The following SLC30A3 variants were observed in gnomAD, a reference collection of about 807,000 sequenced individuals.
The protein encoded by SLC30A3 is probable proton-coupled zinc antiporter SLC30A3.
SLC30A3 carries 20 observed loss-of-function variants against 35.6 expected under a neutral mutation model. The observed-to-expected ratio is 0.56, with a 90% CI of 0.39 to 0.82. SLC30A3 has a LOEUF of 0.82. SLC30A3 is among the 40% of genes least tolerant of loss of function. The pLI is 0.00. For synonymous variants in SLC30A3, 217 were observed against 224.7 expected (o/e 0.97, Z 0.31); for missense variants, 401 against 530.6 (o/e 0.76, Z 2.40).
In SLC30A3 at chr2:27,271,057, G is replaced by A. The variant is rs1677709100; in HGVS notation, c.-159+4120C>T. ...TAGATAACCTTAAGCAGGTCAATCC[G>A]CCTTTCTGGGCTGCACTTTCTTCAA... is the stretch of plus-strand genomic sequence containing the variant. On this transcript the variant is annotated intron_variant, in intron 1 of 5. Coordinates refer to the SLC30A3 transcript ENST00000424577. This position sits in a 1 kb window ranked among gnomAD's most constrained non-coding sequence, Gnocchi z 4.3. Among the ~76,000 whole-genome samples the A allele has an allele frequency of 6.6e-6, 1 of 152,088 alleles. No individual in the cohort carries two copies. The highest frequency in any genetic ancestry group is 6.6e-5 in the Admixed American group (1 of 15,264).
Position 27,257,054 on chromosome 2 carries a change from G to A in SLC30A3, c.777+100C>T, listed in dbSNP as rs1676898766. On this transcript the variant is annotated intron_variant, in intron 5 of 7. Coordinates refer to ENST00000233535, the MANE Select transcript of SLC30A3 (RefSeq NM_003459.5). This position sits in a 1 kb window ranked among gnomAD's most constrained non-coding sequence, Gnocchi z 4.7. ...GAGAGTCCTGGGAGGTGGGAGGGAGGAGCTGGAGGGAGGAGGAAGGAAGCT... is the reference window on the plus strand; with the variant it reads ...GAGAGTCCTGGGAGGTGGGAGGGAGAAGCTGGAGGGAGGAGGAAGGAAGCT... 3 of 1,260,452 alleles carry A rather than the reference G, an allele frequency of 2.4e-6. No homozygotes were observed. The highest frequency in any genetic ancestry group is 3.5e-6 in the Non-Finnish European group (3 of 863,200). The allele number at this position is 1,260,452 out of a possible 1,614,324, so 78.1% of individuals were successfully genotyped here.
chr2:27,262,771 G>C lies in SLC30A3; in HGVS notation c.95+41C>G. On this transcript the variant is annotated intron_variant, in intron 1 of 7. Coordinates refer to ENST00000233535, the MANE Select transcript of SLC30A3 (RefSeq NM_003459.5). This position sits in a 1 kb window ranked among gnomAD's most constrained non-coding sequence, Gnocchi z 7.5. ...AACGAAATGGACGGAGGGTAGTAGG[G>C]TGGCGCCCCCGGGCCGAGGGCCAGC... is the stretch of plus-strand genomic sequence containing the variant. 6.8e-7 allele frequency: 1 copy of C among 1,480,824 alleles called. No homozygotes were observed. Among genetic ancestry groups the C allele is most frequent in the South Asian group, 1.3e-5 (1 of 75,300 alleles). The allele number at this position is 1,480,824 out of a possible 1,614,324, so 91.7% of individuals were successfully genotyped here.
chr2:27,264,251 A>G (rs1211815478), upstream of SLC30A3: 1 of 393,384 alleles, frequency 2.5e-6, no homozygotes, highest in Admixed American at 2.7e-5. The surrounding 1 kb of genome is among the most constrained non-coding windows in gnomAD (Gnocchi z 6.1). Flanking sequence ...CATCCTTCAG[A>G]ACACACTGGG....
chr2:27,263,401 G>T, upstream of SLC30A3: 1 of 449,396 alleles, frequency 2.2e-6, no homozygotes. Context: ...CGCCCACCAC[G>T]CCGTCACCCT....
rs78882128 is a variant in SLC30A3, at chr2:27,255,409, T to C, written c.1070A>G (p.Tyr357Cys). Residue 357 changes from tyrosine (Y) to cysteine (C), a missense_variant, in exon 8 of 8, where the codon TAC becomes TGC. Transcript: ENST00000233535. This position sits in a 1 kb window ranked among gnomAD's most constrained non-coding sequence, Gnocchi z 5.2. ...AVLAEASSRL[Y>C]SRFGFSSCTL... ...GCAGCTGGAGAATCCAAACCGGGAGTAGAGCCGGGATGAGGCTTCAGCCAG... is the reference window on the plus strand; with the variant it reads ...GCAGCTGGAGAATCCAAACCGGGAGCAGAGCCGGGATGAGGCTTCAGCCAG... The C allele has an allele frequency of 5.4e-4, 869 of 1,613,392 alleles. 1 individual carries two copies. Among genetic ancestry groups the C allele is most frequent in the East Asian group, 2.4e-3 (106 of 44,840 alleles).
Position 27,255,494 on chromosome 2 carries a change from C to CGGG in SLC30A3, c.1019-37_1019-35dup, listed in dbSNP as rs756044876. The CGGG allele has an allele frequency of 6.2e-7, 1 of 1,605,794 alleles. No homozygotes were observed. Among genetic ancestry groups the CGGG allele is most frequent in the Non-Finnish European group, 8.5e-7 (1 of 1,176,960 alleles). On this transcript the variant is annotated intron_variant, in intron 7 of 7. Transcript: ENST00000233535. This position sits in a 1 kb window ranked among gnomAD's most constrained non-coding sequence, Gnocchi z 5.2. ...GAGTGATAAGAGGCGGCATCCATCC[C>CGGG]GGGGGAGAAAGAACAGGCAGGGACT...
rs1022782316 is a variant in SLC30A3, at chr2:27,263,029, G to T, written c.-123C>A. On this transcript the variant is annotated 5_prime_UTR_variant, in exon 1 of 8. Transcript: ENST00000233535. ...CGCAGGGCGGCGGGGCCACCAGAGT[G>T]GAGCGAACTGCAGCGACTGTGGCGC... The T allele has an allele frequency of 3.6e-6, 5 of 1,389,794 alleles. No homozygotes were observed. The highest frequency in any genetic ancestry group is 4.6e-6 in the Non-Finnish European group (5 of 1,078,740). The allele number at this position is 1,389,794 out of a possible 1,614,324, so 86.1% of individuals were successfully genotyped here.
Position 27,262,854 on chromosome 2 carries a change from G to T in SLC30A3, c.53C>A (p.Pro18His). ...GGLETTRLVS[P>H]RDRGGAGGSL... is the part of the protein sequence containing the mutation. The stretch of plus-strand genomic sequence containing the variant: ...GCCTCCGGCGCCACCGCGGTCCCGG[G>T]GGCTCACCAGGCGAGTGGTCTCCAA... The change falls in exon 1 of 8, where the codon CCC becomes CAC. Residue 18 changes from proline to histidine, a missense_variant. Pro to His is a moderately conservative substitution (Grantham distance 77). Around this residue, in one of 3 missense-constraint regions of SLC30A3, gnomAD observed 103 missense variants for 120.7 expected, o/e 0.85. Coordinates refer to ENST00000233535, the MANE Select transcript of SLC30A3 (RefSeq NM_003459.5). The surrounding 1 kb of genome is among the most constrained non-coding windows in gnomAD (Gnocchi z 7.5). The T allele has an allele frequency of 6.4e-7, 1 of 1,565,410 alleles. No homozygotes were observed. The highest frequency in any genetic ancestry group is 1.2e-5 in the South Asian group (1 of 86,016).
rs1676929550 is a variant in SLC30A3, at chr2:27,257,418, T to C, written c.579-66A>G. On this transcript the variant is annotated intron_variant, in intron 4 of 7. Coordinates refer to ENST00000233535, the MANE Select transcript of SLC30A3 (RefSeq NM_003459.5). This position sits in a 1 kb window ranked among gnomAD's most constrained non-coding sequence, Gnocchi z 4.7. ...CTGGCCTCCTATACCCCCATCTCCA[T>C]GTCTCACCTCCCCAGTAGCCCTTTC... 2.8e-6 allele frequency: 4 copies of C among 1,448,026 alleles called. No homozygotes were observed. Among genetic ancestry groups the C allele is most frequent in the Middle Eastern group, 1.7e-4 (1 of 5,786 alleles). The allele number at this position is 1,448,026 out of a possible 1,614,324, so 89.7% of individuals were successfully genotyped here.
At chr2:27,273,310 G>A (rs1259425751) in intron 1 of SLC30A3, among the ~76,000 whole-genome samples, 1 of 152,140 alleles carries the variant, frequency 6.6e-6, no homozygotes. Context: ...CAGGAAAGAG[G>A]AAAGCGGTGG....
At chr2:27,273,681 C>A (rs1190829871) in intron 1 of SLC30A3, among the ~76,000 whole-genome samples, 1 of 152,186 alleles carries the variant, frequency 6.6e-6, no homozygotes, top group Non-Finnish European at 1.5e-5. Context: ...GCACTGACCA[C>A]AGGCCTACAG....
At chr2:27,259,753 C>G (rs1677080364) in intron 1 of SLC30A3, among the ~76,000 whole-genome samples, 2 of 152,100 alleles carry the variant, frequency 1.3e-5, no homozygotes, top group African/African-American at 4.8e-5. Context: ...GAGACTAGAC[C>G]CCAACCAATT....
At chr2:27,263,452 C>T (rs1162111273), upstream of SLC30A3, 1 of 400,268 alleles carries the variant, frequency 2.5e-6, no homozygotes, top group Non-Finnish European at 5.2e-6. Context: ...CAGGAGCGGA[C>T]CCATTACCTA....
At chr2:27,264,441 T>G (rs1677390670), upstream of SLC30A3, among the ~76,000 whole-genome samples, 1 of 152,220 alleles carries the variant, frequency 6.6e-6, no homozygotes, top group Non-Finnish European at 1.5e-5. This position sits in a 1 kb window ranked among gnomAD's most constrained non-coding sequence, Gnocchi z 6.1. Context: ...GAGGTGAGGC[T>G]TAAACGGATT....
chr2:27,264,603 C>T (rs1167560285), upstream of SLC30A3, among the ~76,000 whole-genome samples: 1 of 152,190 alleles, frequency 6.6e-6, no homozygotes, highest in Non-Finnish European at 1.5e-5. This position sits in a 1 kb window ranked among gnomAD's most constrained non-coding sequence, Gnocchi z 6.1. Flanking sequence ...GCGCCCTCCG[C>T]GCCGTCCCCA....
chr2:27,271,629 C>T lies in SLC30A3; in HGVS notation c.-159+3548G>A, dbSNP rs968693853. On this transcript the variant is annotated intron_variant, in intron 1 of 5. Transcript: ENST00000424577. This position sits in a 1 kb window ranked among gnomAD's most constrained non-coding sequence, Gnocchi z 4.3. Reference sequence around the variant, plus strand: ...GAGCCAGAGCTAAGATCTAGGGCTTCTGACCCCTGGCTTGTGTGTTCTTCC... The same window carrying T: ...GAGCCAGAGCTAAGATCTAGGGCTTTTGACCCCTGGCTTGTGTGTTCTTCC... Among the ~76,000 whole-genome samples, 1 of 152,250 alleles carries T rather than the reference C, an allele frequency of 6.6e-6. No homozygotes were observed. Among genetic ancestry groups the T allele is most frequent in the African/African-American group, 2.4e-5 (1 of 41,462 alleles).
rs1558557713 is a variant in SLC30A3, at chr2:27,257,230, G to A, written c.701C>T (p.Ala234Val). Residue 234 changes from alanine (A) to valine (V), a missense_variant, in exon 5 of 8, where the codon GCG becomes GTG. Around this residue, in one of 3 missense-constraint regions of SLC30A3, gnomAD observed 296 missense variants for 392.6 expected, o/e 0.75. Coordinates refer to ENST00000233535, the MANE Select transcript of SLC30A3 (RefSeq NM_003459.5). The surrounding 1 kb of genome is among the most constrained non-coding windows in gnomAD (Gnocchi z 4.7). ...PLPLGNTSVRAAFVHVLGDLL... is the reference protein window; with the variant it reads ...PLPLGNTSVRVAFVHVLGDLL... ...GTCCCCCAGCACGTGCACAAATGCCGCCCGGACGCTGGTGTTCCCCAGGGG... is the reference window on the plus strand; with the variant it reads ...GTCCCCCAGCACGTGCACAAATGCCACCCGGACGCTGGTGTTCCCCAGGGG... 1.9e-6 allele frequency: 3 copies of A among 1,613,920 alleles called. No homozygotes were observed. Among genetic ancestry groups the A allele is most frequent in the Non-Finnish European group, 2.5e-6 (3 of 1,179,996 alleles).
upstream of SLC30A3, among the ~76,000 whole-genome samples, chr2:27,266,562 TTCTC>T (rs200727119): frequency 1.3e-5 from 2 of 152,178 alleles, no homozygotes; most frequent in African/African-American, 2.4e-5. Flanking sequence ...CACTGTACCA[TTCTC>T]TCTATTTTTG....
rs999498320 is a variant in SLC30A3, at chr2:27,273,995, C to G, written c.-159+1182G>C. Among the ~76,000 whole-genome samples, 6 of 152,160 alleles carry G rather than the reference C, an allele frequency of 3.9e-5. No homozygotes were observed. In the South Asian group the frequency reaches 1.2e-3, roughly 32 times the overall value. ...AAGGAGCTGGCGCAATGGGGGTTGG[C>G]GCAATGGCTTCAAGGAGGCTGGCAC... On this transcript the variant is annotated intron_variant, in intron 1 of 5. Coordinates refer to the SLC30A3 transcript ENST00000424577.
Sources: gnomAD v4.1 joint callset for allele counts (sites outside exome capture counted in the v4.1 genomes callset) on GRCh38, gnomAD v4.1.1 for gene constraint, gnomAD v4.1.1 regional missense constraint, Gnocchi (gnomAD v3.1) non-coding constraint, MANE v1.5 for transcripts, NCBI Gene and HGNC (gene_info 2026-07-23, HGNC 2026-07-21) for gene names.